Variants in SETD2 observed in about 807,000 individuals in gnomAD.
The protein encoded by SETD2 is SET domain containing 2, histone lysine methyltransferase.
A neutral mutation model predicts 242.1 loss-of-function variants in SETD2; 31 were observed. The observed-to-expected ratio is 0.13, with a 90% CI of 0.10 to 0.17. The LOEUF is 0.17. Ranked by LOEUF, SETD2 falls within the 10% of genes least tolerant of loss-of-function variation. The pLI is 1.00. For synonymous variants in SETD2, 1,006 were observed against 1,066.5 expected (o/e 0.94, Z 1.11); for missense variants, 2,481 against 3,046.3 (o/e 0.81, Z 4.37).
Position 47,112,260 on chromosome 3 carries a change from G to A in SETD2, c.4715+1616C>T, listed in dbSNP as rs1575795259. Among the ~76,000 whole-genome samples, 2 of 151,796 alleles carry A rather than the reference G, an allele frequency of 1.3e-5. 1 individual carries two copies. On this transcript the variant is annotated intron_variant, in intron 5 of 20. Transcript: ENST00000409792. Reference sequence around the variant, plus strand: ...CTCCCGAGTAGCTGGGATTACAGCTGTGCGCCATCATGCCTGGCTAATTTT... The same window carrying A: ...CTCCCGAGTAGCTGGGATTACAGCTATGCGCCATCATGCCTGGCTAATTTT...
rs1341433062 is a variant in SETD2 at position 47,084,231 on chromosome 3, C to G, written c.5549G>C (p.Arg1850Pro). The G allele has an allele frequency of 1.2e-6, 2 of 1,614,018 alleles. No homozygotes were observed. The highest frequency in any genetic ancestry group is 3.3e-5 in the Admixed American group (2 of 59,984). ...AGGTGTGTTGAGTGGTGTATGAGCA[C>G]GCGATGTATTCTCACTAGAATACCC... ...GDGYSSENTSRAHTPLNTPDP... is the reference protein window; with the variant it reads ...GDGYSSENTSPAHTPLNTPDP... The change falls in exon 12 of 21, where the codon CGT (arginine) becomes CCT (proline). Residue 1850 changes from arginine (R) to proline (P), a missense_variant. Physicochemically the swap from Arg to Pro is moderately radical, Grantham distance 103 (BLOSUM62 -2). Transcript: ENST00000409792.
At chr3:47,067,268 TAAG>T (rs1559684012) in intron 12 of SETD2, 150 bp from the exon 13 acceptor site, 3 of 644,616 alleles carry the variant, frequency 4.7e-6, no homozygotes, top group Non-Finnish European at 8.3e-6. Flanking sequence ...GGGCTTTAAA[TAAG>T]AATATATCCT....
chr3:47,116,296 A>G (rs2042850754), intron 4 of SETD2, among the ~76,000 whole-genome samples: 1 of 152,236 alleles, frequency 6.6e-6, no homozygotes. Flanking sequence ...TTCACTTTAT[A>G]GTGAAAGCTA....
At chr3:47,117,873 C>A (rs762169765) in intron 3 of SETD2, among the ~76,000 whole-genome samples, 10 of 152,066 alleles carry the variant, frequency 6.6e-5, no homozygotes, top group Non-Finnish European at 1.5e-4. Context: ...TAGTCTTTTA[C>A]CCTGGTCTAA....
chr3:47,035,626 T>C (rs1360463867), intron 18 of SETD2, among the ~76,000 whole-genome samples: 2 of 152,178 alleles, frequency 1.3e-5, no homozygotes, highest in Non-Finnish European at 2.9e-5. Flanking sequence ...TAATTTAATA[T>C]GCATATACTA....
At chr3:47,038,730 T>C (rs546965848) in intron 17 of SETD2, among the ~76,000 whole-genome samples, 2 of 152,394 alleles carry the variant, frequency 1.3e-5, no homozygotes, top group South Asian at 4.1e-4. Context: ...ACAGTCATTT[T>C]GAAAATAAGC....
intron 16 of SETD2, among the ~76,000 whole-genome samples, chr3:47,044,205 T>TG (rs1369036015): frequency 6.6e-6 from 1 of 150,984 alleles, no homozygotes; most frequent in Non-Finnish European, 1.5e-5. Flanking sequence ...TAGCCAGGTG[T>TG]GGTGGTGTGC....
intron 5 of SETD2, 52 bp downstream of exon 5, chr3:47,113,824 G>A (rs2107717927): frequency 2.5e-6 from 4 of 1,574,262 alleles, no homozygotes; most frequent in South Asian, 2.3e-5. Context: ...GGGTGAAAGA[G>A]TGAGACCTTG....
chr3:47,108,449 T>C (rs916525215), intron 5 of SETD2, among the ~76,000 whole-genome samples: 2 of 152,188 alleles, frequency 1.3e-5, no homozygotes, highest in African/African-American at 4.8e-5. Flanking sequence ...AGGTGATCTA[T>C]CCAACTTCAT....
chr3:47,113,631 C>G (rs2042742027), intron 5 of SETD2, among the ~76,000 whole-genome samples: 1 of 151,902 alleles, frequency 6.6e-6, no homozygotes, highest in Non-Finnish European at 1.5e-5. Flanking sequence ...GGTCAGAGTT[C>G]GAAACCAGCC....
intron 1 of SETD2, among the ~76,000 whole-genome samples, chr3:47,151,606 T>C (rs1214858362): frequency 6.6e-6 from 1 of 152,036 alleles, no homozygotes; most frequent in African/African-American, 2.4e-5. Context: ...GGCGGGTGGA[T>C]CACCTGAGAT....
chr3:47,116,796 C>T (rs2107729387), intron 3 of SETD2, 42 bp from the exon 4 acceptor site: 2 of 1,399,050 alleles, frequency 1.4e-6, no homozygotes, highest in Non-Finnish European at 2.0e-6. Context: ...AATAAATTTC[C>T]TGGTAAAGAT....
chr3:47,132,292 C>T (rs943762242), intron 1 of SETD2, among the ~76,000 whole-genome samples: 3 of 151,934 alleles, frequency 2.0e-5, no homozygotes, highest in African/African-American at 4.8e-5. Context: ...GCCACTGCAC[C>T]GGGCTAATAT....
intron 16 of SETD2, among the ~76,000 whole-genome samples, chr3:47,044,048 A>G (rs917782992): frequency 6.6e-6 from 1 of 152,134 alleles, no homozygotes; most frequent in African/African-American, 2.4e-5. Flanking sequence ...GTTTGTATTA[A>G]AAATGCCTAG....
intron 1 of SETD2, among the ~76,000 whole-genome samples, chr3:47,133,146 TG>T (rs1451558616): frequency 1.3e-5 from 2 of 152,068 alleles, no homozygotes; most frequent in Non-Finnish European, 2.9e-5. Context: ...ACAAAACAAA[TG>T]TGGTAAAATG....
intron 12 of SETD2, 129 bp from the exon 13 acceptor site, chr3:47,067,247 G>T (rs952694986): frequency 9.8e-6 from 7 of 715,496 alleles, no homozygotes; most frequent in Non-Finnish European, 1.5e-5. Flanking sequence ...TCTAAAATTT[G>T]ACTTATATCT....
chr3:47,028,918 T>G (rs1370511107), intron 18 of SETD2: 1 of 172,326 alleles, frequency 5.8e-6, no homozygotes, highest in African/African-American at 2.4e-5. Context: ...TACACTGTAG[T>G]GCACAGGGCA....
intron 15 of SETD2, among the ~76,000 whole-genome samples, chr3:47,048,948 G>A (rs775918404): frequency 2.0e-5 from 3 of 151,984 alleles, no homozygotes; most frequent in Non-Finnish European, 4.4e-5. Flanking sequence ...TTACAGGTGT[G>A]AGCCACCGTG....
chr3:47,103,427 G>T lies in SETD2; in HGVS notation c.4840-4C>A, dbSNP rs2107688828. Reference sequence around the variant, plus strand: ...CTTTTTGAGTGGCATCTATTATCTGGGAGAAGAGGATCATTTAAGAATTAA... The same window carrying T: ...CTTTTTGAGTGGCATCTATTATCTGTGAGAAGAGGATCATTTAAGAATTAA... On this transcript the variant is annotated splice_region_variant and splice_polypyrimidine_tract_variant and intron_variant, in intron 6 of 20. Transcript: ENST00000409792. 1.3e-6 allele frequency: 2 copies of T among 1,593,978 alleles called. No homozygotes were observed. Among genetic ancestry groups the T allele is most frequent in the Non-Finnish European group, 1.7e-6 (2 of 1,162,032 alleles).
Sources: allele counts gnomAD v4.1 joint callset (sites outside exome capture counted in the v4.1 genomes callset), GRCh38; gene constraint gnomAD v4.1.1; transcripts MANE v1.5; gene names NCBI Gene and HGNC (gene_info 2026-07-23, HGNC 2026-07-21).